Variants in ARSG observed in about 807,000 individuals in gnomAD.
ARSG encodes the protein ASG.
ARSG carries 37 observed loss-of-function variants against 50.5 expected under a neutral mutation model. That is an observed-to-expected ratio of 0.73 (90% CI 0.56 to 0.96). The LOEUF is 0.96. Ranked by LOEUF, ARSG falls within the 50% of genes least tolerant of loss-of-function variation. ARSG has a pLI of 0.00. For missense variants in ARSG, 629 were observed against 675.3 expected (o/e 0.93, Z 0.76); for synonymous variants, 225 against 254.6 (o/e 0.88, Z 1.11).
At chr17:68,388,605 CA>C (rs1411615316) in intron 9 of ARSG, among the ~76,000 whole-genome samples, 2 of 151,884 alleles carry the variant, frequency 1.3e-5, no homozygotes, top group Middle Eastern at 3.2e-3. Flanking sequence ...ACCAGAATGG[CA>C]AAAAGGACTT....
rs36155626 is a variant in ARSG, at chr17:68,282,779, T to TAAAAAAAAAAAA, written c.-552+23363_-552+23374dup. On this transcript the variant is annotated intron_variant, in intron 1 of 11. Coordinates refer to the ARSG transcript ENST00000448504. ...CAACATAGTGAAACCCCATCTCTAC[T>TAAAAAAAAAAAA]AAAAAAAAAAAAAAAAAAAAAGGCC... Among the ~76,000 whole-genome samples the TAAAAAAAAAAAA allele has an allele frequency of 3.4e-4, 18 of 53,404 alleles. 2 individuals are homozygous for TAAAAAAAAAAAA. The highest frequency in any genetic ancestry group is 1.1e-3 in the African/African-American group (12 of 10,790). The allele number at this position is 53,404 out of a possible 152,430, so 35.0% of individuals were successfully genotyped here.
At chr17:68,447,181 G>A in the ARSG span, among the ~76,000 whole-genome samples, 2 of 152,128 alleles carry the variant, frequency 1.3e-5, no homozygotes, top group Admixed American at 1.3e-4. Flanking sequence ...CAGAGGCTTC[G>A]AGCCAATCAG....
At chr17:68,384,438 C>T (rs1323929244) in intron 8 of ARSG, among the ~76,000 whole-genome samples, 1 of 152,142 alleles carries the variant, frequency 6.6e-6, no homozygotes, top group Admixed American at 6.6e-5. Flanking sequence ...TTTCTTACCT[C>T]CCCCAGGAGG....
At chr17:68,356,232 A>G (rs564116053) in intron 5 of ARSG, among the ~76,000 whole-genome samples, 10 of 152,164 alleles carry the variant, frequency 6.6e-5, no homozygotes, top group Non-Finnish European at 1.2e-4. Flanking sequence ...ATGAAGTCCC[A>G]ATTGTTGACT....
the ARSG span, among the ~76,000 whole-genome samples, chr17:68,448,116 AGT>A: frequency 1.3e-5 from 2 of 152,138 alleles, no homozygotes; most frequent in Non-Finnish European, 2.9e-5. Context: ...TAGCAGACTG[AGT>A]GCTACAGAAT....
intron 11 of ARSG, among the ~76,000 whole-genome samples, chr17:68,413,405 T>TG (rs563307313): frequency 3.7e-4 from 57 of 152,346 alleles, no homozygotes; most frequent in African/African-American, 1.3e-3. Flanking sequence ...CTGCCCCTGC[T>TG]GGGGGGTGCC....
At chr17:68,434,855 C>CGTGTATGTGTGT in the ARSG span, among the ~76,000 whole-genome samples, 740 of 152,236 alleles carry the variant, frequency 4.9e-3, 13 homozygotes, top group African/African-American at 0.017. Context: ...CAAGGCTCTG[C>CGTGTATGTGTGT]GTGTATGTGT....
intron 5 of ARSG, among the ~76,000 whole-genome samples, chr17:68,352,173 GAGAGAGAGAGACAGAGAC>G (rs2078827229): frequency 6.7e-6 from 1 of 150,298 alleles, no homozygotes; most frequent in South Asian, 2.2e-4. Context: ...CAGAGAGAGA[GAGAGAGAGAGACAGAGAC>G]AGAGAGAGAG....
the ARSG span, chr17:68,444,422 A>G: frequency 6.1e-5 from 87 of 1,431,550 alleles, no homozygotes; most frequent in East Asian, 2.0e-3. Context: ...AATTTGGAGG[A>G]AAATAAAGCT....
At chr17:68,406,901 T>G (rs1261720426) in intron 11 of ARSG, among the ~76,000 whole-genome samples, 2 of 152,232 alleles carry the variant, frequency 1.3e-5, no homozygotes, top group African/African-American at 4.8e-5. Context: ...ATATTTGTTC[T>G]TATTGCATTT....
chr17:68,264,171 T>G (rs1555745850), intron 1 of ARSG, among the ~76,000 whole-genome samples: 4 of 152,078 alleles, frequency 2.6e-5, no homozygotes, highest in African/African-American at 9.7e-5. Flanking sequence ...TGAAGGATCA[T>G]GATGATTTCT....
At chr17:68,330,015 G>A (rs1419781816) in intron 2 of ARSG, among the ~76,000 whole-genome samples, 1 of 151,958 alleles carries the variant, frequency 6.6e-6, no homozygotes, top group Non-Finnish European at 1.5e-5. Flanking sequence ...TTCGAGACCA[G>A]CCTGGCTAAC....
intron 9 of ARSG, among the ~76,000 whole-genome samples, chr17:68,388,697 C>G (rs1002442607): frequency 6.6e-6 from 1 of 152,002 alleles, no homozygotes; most frequent in Admixed American, 6.6e-5. Context: ...GAGGCCGAGG[C>G]GGGCGGATCA....
rs1874445547 is a variant in ARSG at position 68,399,142 on chromosome 17, A to G, written c.1213-2218A>G. Among the ~76,000 whole-genome samples the G allele has an allele frequency of 6.6e-6, 1 of 152,094 alleles. No individual in the cohort carries two copies. The highest frequency in any genetic ancestry group is 2.4e-5 in the African/African-American group (1 of 41,390). ...GCTGCTGTGGGTCATCAAATGCTTG[A>G]CACGCCCCTGGAGGCCATACATCGA... On this transcript the variant is annotated intron_variant, in intron 10 of 11. Coordinates refer to ENST00000621439, the MANE Select transcript of ARSG (RefSeq NM_001267727.2). This position sits in a 1 kb window ranked among gnomAD's most constrained non-coding sequence, Gnocchi z 4.6.
chr17:68,448,158 A>C, the ARSG span: 12 of 152,198 alleles, frequency 7.9e-5, no homozygotes, highest in Non-Finnish European at 1.3e-4. Flanking sequence ...TTGGGCCTTT[A>C]TCATTTCCCC....
chr17:68,394,349 C>T (rs2081136904), intron 9 of ARSG, among the ~76,000 whole-genome samples: 1 of 152,112 alleles, frequency 6.6e-6, no homozygotes, highest in South Asian at 2.1e-4. Context: ...TGTCTGCAAT[C>T]CCAACACTTT....
At chr17:68,291,798 C>T (rs2076004659) in intron 1 of ARSG, among the ~76,000 whole-genome samples, 1 of 151,560 alleles carries the variant, frequency 6.6e-6, no homozygotes. Context: ...CCCGTCCCCA[C>T]CCCCGGGCGC....
chr17:68,272,053 G>A (rs1330126819), intron 1 of ARSG, among the ~76,000 whole-genome samples: 2 of 151,912 alleles, frequency 1.3e-5, no homozygotes, highest in East Asian at 1.9e-4. Flanking sequence ...TGCCTGCCTC[G>A]GCCTCTCAAA....
the ARSG span, chr17:68,436,424 G>C: frequency 1.2e-6 from 2 of 1,614,074 alleles, no homozygotes; most frequent in East Asian, 2.2e-5. Flanking sequence ...CTGAAGTCAG[G>C]CTTCCAGGAT....
Sources: allele counts gnomAD v4.1 joint callset (sites outside exome capture counted in the v4.1 genomes callset), GRCh38; gene constraint gnomAD v4.1.1; non-coding constraint Gnocchi (gnomAD v3.1); transcripts MANE v1.5; gene names NCBI Gene and HGNC (gene_info 2026-07-23, HGNC 2026-07-21).